Variants in GRIA3 observed in about 807,000 individuals in gnomAD.
GRIA3 encodes glutamate ionotropic receptor AMPA type subunit 3, also known as glutamate receptor 3.
A neutral mutation model predicts 63.0 loss-of-function variants in GRIA3; 3 were observed. The ratio of observed to expected loss-of-function variants is 0.05; its 90% CI spans 0.02 to 0.12. The LOEUF is 0.12. Among genes scored for constraint, GRIA3 ranks in the 10% least tolerant of loss-of-function variants. GRIA3 has a pLI of 1.00. For missense variants in GRIA3, 347 were observed against 700.9 expected (o/e 0.50, Z 5.70); for synonymous variants, 274 against 257.9 (o/e 1.06, Z -0.60).
At chrX:123,327,730 A>G (rs1350871436) in intron 4 of GRIA3, among the ~76,000 whole-genome samples, 1 of 110,631 alleles carries the variant, frequency 9.0e-6, no homozygotes, top group Non-Finnish European at 1.9e-5. Flanking sequence ...CCTCTAGTGA[A>G]TCATACTTCA....
intron 5 of GRIA3, among the ~76,000 whole-genome samples, chrX:123,387,697 G>C (rs2045361358): frequency 8.9e-6 from 1 of 112,263 alleles, no homozygotes; most frequent in African/African-American, 3.2e-5. Context: ...TGATCATACA[G>C]ATTTGGTGTT....
chrX:123,220,748 C>G (rs1010326099), intron 2 of GRIA3, among the ~76,000 whole-genome samples: 5 of 112,076 alleles, frequency 4.5e-5, no homozygotes, highest in Non-Finnish European at 9.4e-5. Context: ...CTCTTTTTAT[C>G]AAATAGGGAT....
chrX:123,394,466 A>T (rs2045402929), intron 5 of GRIA3, among the ~76,000 whole-genome samples: 3 of 112,105 alleles, frequency 2.7e-5, no homozygotes, highest in Admixed American at 1.9e-4. Flanking sequence ...ATCATATACA[A>T]CCAAGCTGTC....
chrX:123,387,284 G>T (rs2045359054), intron 5 of GRIA3, among the ~76,000 whole-genome samples: 1 of 110,843 alleles, frequency 9.0e-6, no homozygotes, highest in Non-Finnish European at 1.9e-5. Flanking sequence ...TCTGTACGTT[G>T]ATTTTATATC....
intron 5 of GRIA3, among the ~76,000 whole-genome samples, chrX:123,366,357 C>A (rs769820247): frequency 9.0e-6 from 1 of 111,069 alleles, no homozygotes. Flanking sequence ...GGTTCTCCTT[C>A]GTAGAAGGAT....
At chrX:123,305,856 T>G (rs192909250) in intron 3 of GRIA3, among the ~76,000 whole-genome samples, 2 of 112,121 alleles carry the variant, frequency 1.8e-5, no homozygotes, top group Non-Finnish European at 3.8e-5. Flanking sequence ...CCTGTCCCCG[T>G]TGCAAATAAT....
chrX:123,414,650 C>T (rs1247947071), intron 10 of GRIA3, among the ~76,000 whole-genome samples: 1 of 105,963 alleles, frequency 9.4e-6, no homozygotes, highest in African/African-American at 3.5e-5. Context: ...CAACTCCCAC[C>T]TATGAGTGAG....
Position 123,463,660 on chromosome X carries a change from GAAAGAAAGAAAGAAAGAAAGAA to G in GRIA3, c.2077-1203_2077-1182del, listed in dbSNP as rs1315810310. Among the ~76,000 whole-genome samples, 171 of 50,461 alleles carry G rather than the reference GAAAGAAAGAAAGAAAGAAAGAA, an allele frequency of 3.4e-3. 14 individuals are homozygous for G. Among genetic ancestry groups the G allele is most frequent in the African/African-American group, 0.016 (153 of 9,772 alleles). 43.8% of individuals were successfully genotyped at this position (50,461 alleles called of 115,157 possible). ...AGAAAGAAAGAAAGAAAGAAAGAAA[GAAAGAAAGAAAGAAAGAAAGAA>G]AGAGAGAGAAAGAAAGAAAAAGAAA... On this transcript the variant is annotated intron_variant, in intron 12 of 15. Coordinates refer to ENST00000620443, the MANE Select transcript of GRIA3 (RefSeq NM_007325.5).
chrX:123,231,402 G>T (rs2044275525), intron 2 of GRIA3, among the ~76,000 whole-genome samples: 1 of 111,336 alleles, frequency 9.0e-6, no homozygotes, highest in Admixed American at 9.5e-5. Context: ...CAGAGCTCTT[G>T]AATGCTATTT....
chrX:123,245,090 C>A (rs754288201), intron 2 of GRIA3, among the ~76,000 whole-genome samples: 1 of 112,049 alleles, frequency 8.9e-6, no homozygotes, highest in African/African-American at 3.2e-5. Context: ...GGTAGATACA[C>A]GTACCTTAGA....
chrX:123,282,796 C>G (rs1342562897), intron 3 of GRIA3, among the ~76,000 whole-genome samples: 2 of 112,486 alleles, frequency 1.8e-5, no homozygotes. Flanking sequence ...ATCCCAGCTA[C>G]TGGGGAGACT....
chrX:123,461,905 C>T (rs1163832699), intron 12 of GRIA3, among the ~76,000 whole-genome samples: 2 of 111,283 alleles, frequency 1.8e-5, no homozygotes, highest in Non-Finnish European at 3.8e-5. Context: ...TAAAACCAAA[C>T]CCTTTAGCTT....
At chrX:123,463,668 G>GAA (rs1556333505) in intron 12 of GRIA3, among the ~76,000 whole-genome samples, 6 of 49,227 alleles carry the variant, frequency 1.2e-4, no homozygotes, top group African/African-American at 7.2e-4. Flanking sequence ...AAGAAAGAAA[G>GAA]AAAGAAAGAA....
chrX:123,276,794 T>C (rs1418114044), intron 3 of GRIA3, among the ~76,000 whole-genome samples: 2 of 111,710 alleles, frequency 1.8e-5, no homozygotes, highest in Non-Finnish European at 3.8e-5. Flanking sequence ...ATTGTGTCCT[T>C]CCCTACTGCC....
At chrX:123,209,950 C>T (rs1927996229) in intron 2 of GRIA3, among the ~76,000 whole-genome samples, 1 of 110,192 alleles carries the variant, frequency 9.1e-6, no homozygotes, top group Admixed American at 9.7e-5. Context: ...AGCTTAAATG[C>T]TGTCAAGCTT....
intron 12 of GRIA3, among the ~76,000 whole-genome samples, chrX:123,456,774 T>C (rs745911314): frequency 1.7e-4 from 19 of 111,506 alleles, no homozygotes; most frequent in African/African-American, 6.2e-4. Flanking sequence ...CCTATGCATA[T>C]CCTAGTATTG....
At chrX:123,328,390 C>T (rs184946529) in intron 4 of GRIA3, among the ~76,000 whole-genome samples, 4 of 112,230 alleles carry the variant, frequency 3.6e-5, no homozygotes, top group East Asian at 2.8e-4. Context: ...TTCTTCTATA[C>T]GCACATTCAC....
chrX:123,403,523 AGTGTGAACAGAAGGTAG>A lies in GRIA3; in HGVS notation c.1293+8_1293+24del, dbSNP rs1351256820. 3 of 1,012,018 alleles carry A rather than the reference AGTGTGAACAGAAGGTAG, an allele frequency of 3.0e-6. No individual in the cohort carries two copies. The highest frequency in any genetic ancestry group is 3.7e-5 in the African/African-American group (2 of 53,538). The allele number at this position is 1,012,018 out of a possible 1,213,427, so 83.4% of individuals were successfully genotyped here. A position where few individuals can be genotyped will look rare whatever the true frequency, so the allele number is the denominator to read the frequency against. Reference sequence around the variant, plus strand: ...CATAGTAGTGACTACCATTCTGGTAAGTGTGAACAGAAGGTAGGTGGGCTTTCTGTCCAGCAAGACTT... The same window carrying A: ...CATAGTAGTGACTACCATTCTGGTAAGTGGGCTTTCTGTCCAGCAAGACTT... On this transcript the variant is annotated splice_donor_5th_base_variant and intron_variant, in intron 9 of 15. Coordinates refer to ENST00000620443, the MANE Select transcript of GRIA3 (RefSeq NM_007325.5).
chrX:123,196,477 A>G (rs925479455), intron 2 of GRIA3, among the ~76,000 whole-genome samples: 2 of 111,959 alleles, frequency 1.8e-5, no homozygotes, highest in African/African-American at 6.5e-5. Context: ...AGACCCAGAC[A>G]AATTCAGCTC....
Sources: allele counts gnomAD v4.1 joint callset (sites outside exome capture counted in the v4.1 genomes callset), GRCh38; gene constraint gnomAD v4.1.1; transcripts MANE v1.5; gene names NCBI Gene and HGNC (gene_info 2026-07-23, HGNC 2026-07-21).